Variants in ASB5 observed in about 807,000 individuals in gnomAD.
ASB5 encodes the protein ankyrin repeat and SOCS box protein 5.
In ASB5, 45 loss-of-function variants were observed where a neutral mutation model predicts 42.1. The ratio of observed to expected loss-of-function variants is 1.07; its 90% confidence interval spans 0.84 to 1.37. ASB5 has a LOEUF of 1.37. Among genes scored for constraint, ASB5 ranks in the 40% most tolerant of loss-of-function variants. The pLI is 0.00. For missense variants in ASB5, 402 were observed against 399.8 expected, an observed-to-expected ratio of 1.01 and a Z score of -0.05; for synonymous variants, 147 against 150.6, an observed-to-expected ratio of 0.98 and a Z score of 0.18.
At position 176,215,522 on chromosome 4, in the gene ASB5, T is replaced by G; in HGVS notation, c.*78A>C. ...ACTCACTTTTATCCTATCTTTAGCA[T>G]ATTTTTATATGAACTATTCCTTAAG... On this transcript the variant is annotated 3_prime_UTR_variant, in exon 7 of 7. Coordinates refer to ENST00000296525, the MANE Select transcript of ASB5 (RefSeq NM_080874.4). The G allele has an allele frequency of 1.4e-6, 2 of 1,443,260 alleles. No homozygotes were observed. The highest frequency in any genetic ancestry group is 1.9e-6 in the Non-Finnish European group (2 of 1,058,752). The allele number at this position is 1,443,260 out of a possible 1,614,324, so 89.4% of individuals were successfully genotyped here.
rs1284898417 is a variant in ASB5, at chr4:176,247,011, T to A, written c.197-21670A>T. 1.1e-4 allele frequency among the ~76,000 whole-genome samples: 17 copies of A among 152,166 alleles called. 1 individual carries two copies. Among genetic ancestry groups the A allele is most frequent in the Non-Finnish European group, 2.2e-4 (15 of 68,006 alleles). On this transcript the variant is annotated intron_variant, in intron 1 of 6. Coordinates refer to ENST00000296525, the MANE Select transcript of ASB5 (RefSeq NM_080874.4). Reference sequence around the variant, plus strand: ...CTTAGAAAAGTTCTTTGGTATGAAATTAATATACAAAAATTAATGTATTTC... The same window carrying A: ...CTTAGAAAAGTTCTTTGGTATGAAAATAATATACAAAAATTAATGTATTTC...
chr4:176,240,123 A>G (rs1382324862), intron 1 of ASB5, among the ~76,000 whole-genome samples: 1 of 152,188 alleles, frequency 6.6e-6, no homozygotes, highest in Admixed American at 6.5e-5. Context: ...AGATATCTAG[A>G]AGAACATTAA....
intron 2 of ASB5, among the ~76,000 whole-genome samples, chr4:176,274,909 A>ATTTTTTTTTTTTTTTTTTTTTTTTTT (rs35690692): frequency 9.4e-6 from 1 of 106,306 alleles, no homozygotes; most frequent in Non-Finnish European, 1.9e-5. Flanking sequence ...CAGCATAGCA[A>ATTTTTTTTTTTTTTTTTTTTTTTTTT]TTTTTTTTTT....
At chr4:176,255,904 C>T (rs1383077402) in intron 1 of ASB5, among the ~76,000 whole-genome samples, 1 of 152,202 alleles carries the variant, frequency 6.6e-6, no homozygotes, top group Non-Finnish European at 1.5e-5. Context: ...AATTATGCTA[C>T]AATACTCCTA....
intron 1 of ASB5, among the ~76,000 whole-genome samples, chr4:176,233,896 C>T (rs1579320020): frequency 6.6e-6 from 1 of 152,124 alleles, no homozygotes; most frequent in African/African-American, 2.4e-5. Flanking sequence ...TAACTTCTCC[C>T]GATCCGCAAA....
chr4:176,256,283 T>C (rs1159392022), intron 1 of ASB5, among the ~76,000 whole-genome samples: 2 of 152,198 alleles, frequency 1.3e-5, no homozygotes, highest in Admixed American at 6.5e-5. Flanking sequence ...GTTTTTATTA[T>C]AATTTTGTTC....
chr4:176,267,123 T>C (rs1036564947), intron 1 of ASB5, among the ~76,000 whole-genome samples: 2 of 152,176 alleles, frequency 1.3e-5, no homozygotes, highest in African/African-American at 4.8e-5. Flanking sequence ...ATAGACAAGA[T>C]CTGATTATGA....
intron 1 of ASB5, among the ~76,000 whole-genome samples, chr4:176,228,049 C>A (rs1027337586): frequency 4.6e-5 from 7 of 152,132 alleles, no homozygotes; most frequent in African/African-American, 1.4e-4. Context: ...ATGTTGTAAT[C>A]CATGCTAAAT....
At chr4:176,218,199 T>A (rs1201997909) in intron 5 of ASB5, among the ~76,000 whole-genome samples, 3 of 90,844 alleles carry the variant, frequency 3.3e-5, no homozygotes, top group African/African-American at 4.0e-5. Context: ...GTATGATATA[T>A]AAATATATAT....
At chr4:176,276,209 C>T (rs966422883) in intron 1 of ASB5, among the ~76,000 whole-genome samples, 1 of 152,104 alleles carries the variant, frequency 6.6e-6, no homozygotes, top group Non-Finnish European at 1.5e-5. Context: ...AGCACTCACT[C>T]GCCTGCACTG....
At chr4:176,238,206 CAAAAAAAAAA>C (rs3060874) in intron 1 of ASB5, among the ~76,000 whole-genome samples, 2 of 101,170 alleles carry the variant, frequency 2.0e-5, no homozygotes, top group African/African-American at 7.8e-5. Context: ...GACTCCGTCT[CAAAAAAAAAA>C]AAAAAAAAAA....
At chr4:176,261,160 A>C (rs1211323775) in intron 1 of ASB5, among the ~76,000 whole-genome samples, 2 of 152,156 alleles carry the variant, frequency 1.3e-5, no homozygotes, top group African/African-American at 2.4e-5. Flanking sequence ...AAATGGGCTT[A>C]ATTGCTAAAA....
chr4:176,254,388 T>C (rs1202604400), intron 1 of ASB5, among the ~76,000 whole-genome samples: 2 of 152,158 alleles, frequency 1.3e-5, no homozygotes, highest in African/African-American at 4.8e-5. Flanking sequence ...ACCCCTTCCT[T>C]ACACCACATA....
At chr4:176,248,749 TTAA>T (rs1753960275) in intron 1 of ASB5, among the ~76,000 whole-genome samples, 1 of 152,170 alleles carries the variant, frequency 6.6e-6, no homozygotes, top group Non-Finnish European at 1.5e-5. Flanking sequence ...AATGATTCAA[TTAA>T]TATAGGGTTC....
chr4:176,255,522 A>G (rs1754138573), intron 1 of ASB5, among the ~76,000 whole-genome samples: 1 of 152,250 alleles, frequency 6.6e-6, no homozygotes, highest in South Asian at 2.1e-4. Flanking sequence ...ATGGAATACT[A>G]CACAGCCATA....
Position 176,215,535 on chromosome 4 carries a change from A to T in ASB5, c.*65T>A. ...CTATCTTTAGCATATTTTTATATGA[A>T]CTATTCCTTAAGCAAAAGAAATAGA... is the stretch of plus-strand genomic sequence containing the variant. On this transcript the variant is annotated 3_prime_UTR_variant, in exon 7 of 7. Transcript: ENST00000296525. The T allele has an allele frequency of 6.6e-7, 1 of 1,507,292 alleles. No individual in the cohort carries two copies. The allele number at this position is 1,507,292 out of a possible 1,614,324, so 93.4% of individuals were successfully genotyped here.
chr4:176,242,769 G>C (rs1026010063), intron 1 of ASB5, among the ~76,000 whole-genome samples: 4 of 152,138 alleles, frequency 2.6e-5, no homozygotes, highest in African/African-American at 9.7e-5. Context: ...TTTGTGGAAA[G>C]TGAGTGTTTT....
chr4:176,233,897 G>T (rs969183283), intron 1 of ASB5, among the ~76,000 whole-genome samples: 1 of 151,992 alleles, frequency 6.6e-6, no homozygotes, highest in Non-Finnish European at 1.5e-5. Context: ...AACTTCTCCC[G>T]ATCCGCAAAT....
chr4:176,244,935 C>G (rs1415309933), intron 1 of ASB5, among the ~76,000 whole-genome samples: 4 of 152,090 alleles, frequency 2.6e-5, no homozygotes, highest in Middle Eastern at 6.8e-3. Flanking sequence ...TGTGCTCTCA[C>G]CTGGGCAACA....
Sources: allele counts gnomAD v4.1 joint callset (sites outside exome capture counted in the v4.1 genomes callset), GRCh38; gene constraint gnomAD v4.1.1; transcripts MANE v1.5; gene names NCBI Gene and HGNC (gene_info 2026-07-23, HGNC 2026-07-21).